The following L3HYPDH variants were observed in gnomAD, a reference collection of about 807,000 sequenced individuals.
L3HYPDH encodes trans-3-hydroxy-L-proline dehydratase.
A neutral mutation model predicts 26.5 loss-of-function variants in L3HYPDH; 32 were observed. That is an observed-to-expected ratio of 1.21 (90% CI 0.91 to 1.62). The LOEUF (loss-of-function observed/expected upper bound fraction) is 1.62. L3HYPDH is among the 40% of genes most tolerant of loss of function. The pLI is 0.00. For synonymous variants in L3HYPDH, 215 were observed against 196.6 expected, an observed-to-expected ratio of 1.09 and a Z score of -0.78; for missense variants, 554 against 476.4, an observed-to-expected ratio of 1.16 and a Z score of -1.52.
chr14:59,483,869 C>T lies in L3HYPDH; in HGVS notation c.448G>A (p.Asp150Asn), dbSNP rs548137663. The T allele has an allele frequency of 1.9e-6, 3 of 1,581,060 alleles. No homozygotes were observed. Among genetic ancestry groups the T allele is most frequent in the East Asian group, 4.6e-5 (2 of 43,622 alleles). ...CGCACCGGTCCGTGGCTGCGGCCGT[C>T]CTCGCATGCCACGAAGGCGGTCACC... is the stretch of plus-strand genomic sequence containing the variant. ...GLVTAFVACE[D>N]GRSHGPVRFH... is the part of the protein sequence containing the mutation. The change falls in exon 1 of 5, where the codon GAC becomes AAC. Residue 150 changes from aspartate to asparagine, a missense_variant. Asp to Asn is a conservative substitution (Grantham distance 23, BLOSUM62 1). Transcript: ENST00000247194.
the L3HYPDH span, chr14:59,494,975 T>C: frequency 7.2e-7 from 1 of 1,390,270 alleles, no homozygotes; most frequent in Non-Finnish European, 1.0e-6. Context: ...GCCATTTAAA[T>C]ATTGCAATTT....
chr14:59,484,786 A>G (rs1284822833), upstream of L3HYPDH: 2 of 888,550 alleles, frequency 2.3e-6, no homozygotes, highest in East Asian at 2.7e-5. Flanking sequence ...ACGGGCTACT[A>G]GGGGAGGCGC....
chr14:59,483,956 C>G lies in L3HYPDH; in HGVS notation c.361G>C (p.Val121Leu). Residue 121 changes from valine to leucine, a missense_variant, in exon 1 of 5, where the codon GTG becomes CTG. Coordinates refer to ENST00000247194, the MANE Select transcript of L3HYPDH (RefSeq NM_144581.2). ...LGRFALDFGL[V>L]PAPPAGTREA... ...CGGGTGCCCGCAGGGGGCGCCGGCA[C>G]AAGCCCGAAGTCCAAAGCGAAGCGG... is the stretch of plus-strand genomic sequence containing the variant. The G allele has an allele frequency of 6.4e-7, 1 of 1,563,232 alleles. No individual in the cohort carries two copies. The highest frequency in any genetic ancestry group is 8.6e-7 in the Non-Finnish European group (1 of 1,160,136).
the L3HYPDH span, chr14:59,503,953 A>G: frequency 2.1e-5 from 34 of 1,613,630 alleles, no homozygotes; most frequent in Non-Finnish European, 2.6e-5. Flanking sequence ...CAGAGTGGAT[A>G]AACTTGAGCA....
At chr14:59,465,913 G>T (rs571368024) in intron 1 of L3HYPDH, among the ~76,000 whole-genome samples, 3 of 152,308 alleles carry the variant, frequency 2.0e-5, no homozygotes, top group African/African-American at 7.2e-5. Flanking sequence ...AAGTACCCAA[G>T]AATTTGTATC....
In L3HYPDH at chr14:59,475,840, A is replaced by T. The variant is rs764985536; in HGVS notation, c.939+29T>A. 7 of 1,592,770 alleles carry T rather than the reference A, an allele frequency of 4.4e-6. No individual in the cohort carries two copies. In the African/African-American group the frequency reaches 9.5e-5, roughly 22 times the overall value. ...CTCCAGTCTCATGAGTGACACATTT[A>T]TAAATAAGAAGCTAAGGGTGCCACT... On this transcript the variant is annotated intron_variant, in intron 4 of 4. Coordinates refer to ENST00000247194, the MANE Select transcript of L3HYPDH (RefSeq NM_144581.2).
rs1287920568 is a variant in L3HYPDH at position 59,476,222 on chromosome 14, TAAC to T, written c.679-11_679-9del. On this transcript the variant is annotated splice_polypyrimidine_tract_variant and intron_variant, in intron 2 of 4. Transcript: ENST00000247194. ...AGGATGATTAATTTTAAACTGCAAG[TAAC>T]AAAAAAAGATCACATGCAAAATAAA... 2 of 1,515,830 alleles carry T rather than the reference TAAC, an allele frequency of 1.3e-6. No individual in the cohort carries two copies. The highest frequency in any genetic ancestry group is 4.1e-5 in the Admixed American group (2 of 48,596). 93.9% of individuals were successfully genotyped at this position (1,515,830 alleles called of 1,614,324 possible). A position where few individuals can be genotyped will look rare whatever the true frequency, so the allele number is the denominator to read the frequency against.
At chr14:59,494,879 G>GA in the L3HYPDH span, 1 of 633,042 alleles carries the variant, frequency 1.6e-6, no homozygotes, top group Non-Finnish European at 2.8e-6. Flanking sequence ...TCCCTTTTGA[G>GA]AAAAAAAGGT....
chr14:59,492,442 A>C, the L3HYPDH span, among the ~76,000 whole-genome samples: 6,010 of 152,310 alleles, frequency 0.039, 138 homozygotes, highest in Middle Eastern at 0.078. Context: ...CACAGAAGCC[A>C]GTCTCTCTTA....
At chr14:59,498,125 G>A in the L3HYPDH span, among the ~76,000 whole-genome samples, 65,323 of 151,912 alleles carry the variant, frequency 0.43, 15,854 homozygotes, top group African/African-American at 0.66. Flanking sequence ...CTGTAATTCT[G>A]TTCCTTGAGA....
At chr14:59,494,886 A>G in the L3HYPDH span, 1 of 637,938 alleles carries the variant, frequency 1.6e-6, no homozygotes, top group Non-Finnish European at 2.7e-6. Context: ...TGAGAAAAAA[A>G]GGTTATACTC....
chr14:59,471,228 A>C (rs1889304092), downstream of L3HYPDH, among the ~76,000 whole-genome samples: 1 of 152,216 alleles, frequency 6.6e-6, no homozygotes. Flanking sequence ...AGGAAGACTT[A>C]GGTAATAGCT....
At position 59,475,970 on chromosome 14, in the gene L3HYPDH, G is replaced by T. The variant is rs375970299; in HGVS notation, c.838C>A (p.Arg280=). The T allele has an allele frequency of 2.2e-5, 35 of 1,613,782 alleles. No individual in the cohort carries two copies. The highest frequency in any genetic ancestry group is 3.4e-6 in the Non-Finnish European group (4 of 1,179,886). The change falls in exon 4 of 5, where the codon CGA becomes AGA. Residue 280 remains arginine (R), a synonymous_variant. Coordinates refer to ENST00000247194, the MANE Select transcript of L3HYPDH (RefSeq NM_144581.2). ...CCTTTGTGATACTGTAAGGCAATTC[G>T]GGCTGTCACTCCTGAGCCAGTGGGA... The part of the protein sequence containing the change: ...RSPTGSGVTA[R]IALQYHKGLL...
chr14:59,492,016 CTG>C, the L3HYPDH span, among the ~76,000 whole-genome samples: 2 of 152,132 alleles, frequency 1.3e-5, no homozygotes, highest in African/African-American at 4.8e-5. Context: ...GCCTCATAGT[CTG>C]TGGTTACTAA....
upstream of L3HYPDH, chr14:59,484,999 G>A: frequency 6.3e-7 from 1 of 1,583,100 alleles, no homozygotes; most frequent in Non-Finnish European, 8.5e-7. Context: ...GATTTATAGC[G>A]CCCGTCACAA....
chr14:59,474,191 G>C (rs1396036297), intron 4 of L3HYPDH, among the ~76,000 whole-genome samples: 2 of 152,096 alleles, frequency 1.3e-5, no homozygotes, highest in East Asian at 1.9e-4. Flanking sequence ...CCTGAAGGCT[G>C]GGGGGTAAGC....
chr14:59,469,398 CAA>C (rs1307120112), downstream of L3HYPDH, among the ~76,000 whole-genome samples: 1 of 151,456 alleles, frequency 6.6e-6, no homozygotes. Flanking sequence ...ACTAAAAATA[CAA>C]AAAAATTAGC....
At chr14:59,483,600 A>G in intron 1 of L3HYPDH, 2 of 1,431,492 alleles carry the variant, frequency 1.4e-6, no homozygotes, top group Non-Finnish European at 1.8e-6. Context: ...CCAAAACCAC[A>G]GGCGGATGGG....
chr14:59,478,997 T>A (rs774951179), intron 2 of L3HYPDH, 185 bp downstream of exon 2: 4 of 471,338 alleles, frequency 8.5e-6, no homozygotes, highest in African/African-American at 6.1e-5. Flanking sequence ...CATCCTGGGC[T>A]GCATGTGGCT....
Sources: allele counts gnomAD v4.1 joint callset (sites outside exome capture counted in the v4.1 genomes callset), GRCh38; gene constraint gnomAD v4.1.1; transcripts MANE v1.5; gene names NCBI Gene and HGNC (gene_info 2026-07-23, HGNC 2026-07-21).